CERS3: variants seen among roughly 807,000 people sequenced by gnomAD.
CERS3 encodes LAG1 homolog, ceramide synthase 3.
In CERS3, 33 loss-of-function variants were observed where a neutral mutation model predicts 50.3. The ratio of observed to expected loss-of-function variants is 0.66; its 90% confidence interval spans 0.50 to 0.88. The LOEUF (loss-of-function observed/expected upper bound fraction) is 0.88, where lower values mean the gene tolerates loss of function less well. Ranked by LOEUF, CERS3 falls within the 40% of genes least tolerant of loss-of-function variation. CERS3 has a pLI of 0.00. For synonymous variants in CERS3, 176 were observed against 155.2 expected (o/e 1.13, Z -0.99); for missense variants, 470 against 460.3 (o/e 1.02, Z -0.19).
chr15:100,445,730 A>C (rs1444539535), intron 11 of CERS3, among the ~76,000 whole-genome samples: 8 of 152,120 alleles, frequency 5.3e-5, no homozygotes, highest in Non-Finnish European at 7.4e-5. Context: ...ACCATCCCCC[A>C]AAATTTTCAC....
chr15:100,495,320 T>C (rs1464984570), intron 3 of CERS3, among the ~76,000 whole-genome samples: 3 of 152,222 alleles, frequency 2.0e-5, no homozygotes, highest in Non-Finnish European at 4.4e-5. Flanking sequence ...CAGCTTGCTA[T>C]TCCTTCCAAG....
chr15:100,422,048 C>G (rs1220765562), intron 11 of CERS3, among the ~76,000 whole-genome samples: 1 of 115,556 alleles, frequency 8.7e-6, no homozygotes, highest in Non-Finnish European at 1.8e-5. Context: ...TCTAAAACAC[C>G]AAAAGCAATG....
At chr15:100,484,407 G>A in intron 5 of CERS3, 143 bp downstream of exon 5, 1 of 619,416 alleles carries the variant, frequency 1.6e-6, no homozygotes, top group Non-Finnish European at 2.9e-6. Context: ...GCAAATATGT[G>A]AGGAGCCTAA....
At chr15:100,418,151 CA>C (rs1260974166) in intron 11 of CERS3, among the ~76,000 whole-genome samples, 9 of 151,812 alleles carry the variant, frequency 5.9e-5, no homozygotes, top group Non-Finnish European at 1.0e-4. Context: ...GGAGGACATT[CA>C]AACCAAAGGC....
chr15:100,436,648 A>C (rs938094529), intron 11 of CERS3, among the ~76,000 whole-genome samples: 1 of 152,302 alleles, frequency 6.6e-6, no homozygotes, highest in Admixed American at 6.5e-5. Context: ...TAAATAAATA[A>C]ATAAATAAAA....
intron 11 of CERS3, among the ~76,000 whole-genome samples, chr15:100,435,575 T>A (rs2033360940): frequency 1.3e-5 from 2 of 152,174 alleles, no homozygotes; most frequent in Admixed American, 1.3e-4. Flanking sequence ...AAAGACTTCA[T>A]GACTAAAACA....
In CERS3 at chr15:100,455,949, G is replaced by C; in HGVS notation, c.943C>G (p.His315Asp). The change falls in exon 11 of 12, where the codon CAC becomes GAC. Residue 315 changes from histidine (H) to aspartate (D), a missense_variant. His to Asp is a moderately conservative substitution (Grantham distance 81, BLOSUM62 -1). Transcript: ENST00000679737. The stretch of plus-strand genomic sequence containing the variant: ...AAGATGTAATAACCCCAGTAAAGGT[G>C]AAGGACCTGCAAGATCATGAGCTGT... ...NLQLMILQVL[H>D]LYWGYYILKM... 3.1e-6 allele frequency: 5 copies of C among 1,613,284 alleles called. No homozygotes were observed. The South Asian group carries it at 3.3e-5, about 11-fold the overall frequency.
At chr15:100,516,191 A>G (rs548659690) in intron 2 of CERS3, among the ~76,000 whole-genome samples, 1 of 152,324 alleles carries the variant, frequency 6.6e-6, no homozygotes, top group South Asian at 2.1e-4. Flanking sequence ...GGGGTGGGTA[A>G]GGCCATTATA....
intron 11 of CERS3, among the ~76,000 whole-genome samples, chr15:100,442,517 C>G (rs572936722): frequency 6.6e-6 from 1 of 152,190 alleles, no homozygotes; most frequent in East Asian, 1.9e-4. Context: ...TGAACTGCAG[C>G]GGCCAGGCAT....
chr15:100,525,183 G>T (rs2036750229), intron 1 of CERS3, among the ~76,000 whole-genome samples: 1 of 152,124 alleles, frequency 6.6e-6, no homozygotes, highest in Admixed American at 6.5e-5. Context: ...AGACAGATTT[G>T]GGAATTTTGG....
intron 2 of CERS3, among the ~76,000 whole-genome samples, chr15:100,502,270 AG>A (rs1337460431): frequency 0.013 from 1,715 of 133,342 alleles, 21 homozygotes; most frequent in Non-Finnish European, 0.021. Flanking sequence ...AAAAAAAAAA[AG>A]AAAGAAAGAA....
intron 1 of CERS3, among the ~76,000 whole-genome samples, chr15:100,525,963 A>G (rs976420537): frequency 1.3e-5 from 2 of 152,220 alleles, no homozygotes; most frequent in African/African-American, 4.8e-5. Flanking sequence ...CGGGCTGTAT[A>G]AGATCAATTA....
At chr15:100,476,780 A>G (rs1397627819) in intron 7 of CERS3, among the ~76,000 whole-genome samples, 2 of 152,190 alleles carry the variant, frequency 1.3e-5, no homozygotes, top group African/African-American at 2.4e-5. Flanking sequence ...GAGACATTAT[A>G]TTACTTAGTG....
chr15:100,410,013 C>G (rs2031353960), intron 11 of CERS3, among the ~76,000 whole-genome samples: 1 of 152,150 alleles, frequency 6.6e-6, no homozygotes, highest in Admixed American at 6.5e-5. Flanking sequence ...CCTACAGTAG[C>G]CGCCATTACA....
At chr15:100,418,550 G>A (rs2142080958) in intron 11 of CERS3, among the ~76,000 whole-genome samples, 1 of 146,012 alleles carries the variant, frequency 6.8e-6, no homozygotes, top group East Asian at 2.0e-4. Context: ...AGCAAGGCAG[G>A]CCAACGTTCA....
Position 100,408,168 on chromosome 15 carries a change from G to A in CERS3, c.1000-5303C>T, listed in dbSNP as rs544415175. On this transcript the variant is annotated intron_variant, in intron 11 of 11. Coordinates refer to ENST00000679737, the MANE Select transcript of CERS3 (RefSeq NM_001378789.1). The stretch of plus-strand genomic sequence containing the variant: ...ATTACAGGTGTAAGCCACCACACTC[G>A]GCCAATTTTATATGAGGCACTTGAG... Among the ~76,000 whole-genome samples the A allele has an allele frequency of 7.2e-5, 11 of 152,174 alleles. No individual in the cohort carries two copies. The South Asian group carries it at 8.3e-4, about 11-fold the overall frequency.
intron 2 of CERS3, among the ~76,000 whole-genome samples, chr15:100,521,306 G>A (rs191670280): frequency 1.4e-4 from 21 of 152,220 alleles, no homozygotes; most frequent in African/African-American, 4.3e-4. Context: ...CAGGTAAGAC[G>A]CTGGAAGCTA....
At chr15:100,420,882 AC>A (rs1387041787) in intron 11 of CERS3, among the ~76,000 whole-genome samples, 1 of 150,520 alleles carries the variant, frequency 6.6e-6, no homozygotes, top group African/African-American at 2.5e-5. Flanking sequence ...AAATTCAACA[AC>A]CCTTCATGCT....
chr15:100,484,911 C>T (rs1256134878), intron 4 of CERS3, among the ~76,000 whole-genome samples: 1 of 152,170 alleles, frequency 6.6e-6, no homozygotes, highest in Non-Finnish European at 1.5e-5. Context: ...ATTCTCCATA[C>T]GCTGGCAGCA....
Sources: allele counts gnomAD v4.1 joint callset (sites outside exome capture counted in the v4.1 genomes callset), GRCh38; gene constraint gnomAD v4.1.1; transcripts MANE v1.5; gene names NCBI Gene and HGNC (gene_info 2026-07-23, HGNC 2026-07-21).